The following PGAP3 variants were observed in gnomAD, a reference collection of about 807,000 sequenced individuals.
PGAP3 encodes the protein post-GPI attachment to proteins phospholipase 3.
Under a neutral mutation model 40.3 loss-of-function variants are expected in PGAP3, and 31 were observed. The observed-to-expected ratio is 0.77, with a 90% CI of 0.58 to 1.04. The LOEUF (loss-of-function observed/expected upper bound fraction) is 1.04. PGAP3 is among the 50% of genes least tolerant of loss of function. The pLI, the probability that PGAP3 is intolerant of heterozygous loss-of-function variation, is 0.00. For missense variants in PGAP3, 413 were observed against 423.0 expected (o/e 0.98, Z 0.21); for synonymous variants, 191 against 184.5 (o/e 1.04, Z -0.29).
At chr17:39,677,250 T>C (rs923303733) in intron 3 of PGAP3, among the ~76,000 whole-genome samples, 1 of 152,158 alleles carries the variant, frequency 6.6e-6, no homozygotes, top group African/African-American at 2.4e-5. Flanking sequence ...GCCTGGTCCA[T>C]AGTAGGTGCC....
intron 3 of PGAP3, among the ~76,000 whole-genome samples, chr17:39,682,261 A>AAAAAT (rs2057451583): frequency 1.4e-5 from 2 of 142,722 alleles, no homozygotes; most frequent in African/African-American, 5.0e-5. Context: ...AAAAAAAAAA[A>AAAAAT]TCTGATGTTA....
chr17:39,680,866 T>C (rs1258237274), intron 3 of PGAP3, among the ~76,000 whole-genome samples: 3 of 152,098 alleles, frequency 2.0e-5, no homozygotes, highest in African/African-American at 7.2e-5. Context: ...CTGTCTTTTT[T>C]TTTTTTAAAG....
In PGAP3 at chr17:39,684,872, C is replaced by T. The variant is rs1007629005; in HGVS notation, c.280-123G>A. ...TGAGTCCTCAGCTCTGGAGTTTGGC[C>T]AAAGCCTCAGGTTCAGTACCTCTTC... On this transcript the variant is annotated intron_variant, in intron 2 of 7. Transcript: ENST00000300658. The T allele has an allele frequency of 4.0e-6, 5 of 1,249,416 alleles. No individual in the cohort carries two copies. The African/African-American group carries it at 7.6e-5, about 19-fold the overall frequency. The allele number at this position is 1,249,416 out of a possible 1,614,324, so 77.4% of individuals were successfully genotyped here.
intron 2 of PGAP3, 37 bp downstream of exon 2, chr17:39,685,885 G>A (rs762897841): frequency 7.0e-6 from 11 of 1,571,376 alleles, no homozygotes; most frequent in East Asian, 2.3e-5. Context: ...CTCCTACCAC[G>A]CTACTACCAT....
chr17:39,684,973 C>T, intron 2 of PGAP3: 1 of 535,180 alleles, frequency 1.9e-6, no homozygotes, highest in South Asian at 2.5e-5. Context: ...GCACTGTAAG[C>T]CCTGATCTCT....
rs769356560 is a variant in PGAP3 at position 39,687,957 on chromosome 17, C to T, written c.58G>A (p.Gly20Ser). 5 of 1,470,518 alleles carry T rather than the reference C, an allele frequency of 3.4e-6. No homozygotes were observed. The highest frequency in any genetic ancestry group is 1.3e-5 in the South Asian group (1 of 77,428). 91.1% of individuals were successfully genotyped at this position (1,470,518 alleles called of 1,614,324 possible). A position where few individuals can be genotyped will look rare whatever the true frequency, so the allele number is the denominator to read the frequency against. ...LLAGAAALAS[G>S]SQGDREPVYR... ...ACCGGCTCACGGTCGCCCTGGGAGC[C>T]GCTCGCCAGCGCCGCTGCCCCAGCT... The change falls in exon 1 of 8, where the codon GGC becomes AGC. Residue 20 changes from glycine (G) to serine (S), a missense_variant. Coordinates refer to ENST00000300658, the MANE Select transcript of PGAP3 (RefSeq NM_033419.5).
In PGAP3 at chr17:39,685,946, G is replaced by C; in HGVS notation, c.255C>G (p.His85Gln). The change falls in exon 2 of 8, where the codon CAC (histidine) becomes CAG (glutamine). Residue 85 changes from histidine to glutamine, a missense_variant. His to Gln is a conservative substitution (Grantham distance 24, BLOSUM62 0). Coordinates refer to ENST00000300658, the MANE Select transcript of PGAP3 (RefSeq NM_033419.5). ...CCTTGCCATGGAACTGAGGCACTTT[G>C]TGACCTTCCTGGAGGTAGAGCCCAA... is the stretch of plus-strand genomic sequence containing the variant. ...VTVGLYLQEG[H>Q]KVPQFHGKWP... 1 of 1,613,400 alleles carries C rather than the reference G, an allele frequency of 6.2e-7. No individual in the cohort carries two copies. Among genetic ancestry groups the C allele is most frequent in the Non-Finnish European group, 8.5e-7 (1 of 1,179,514 alleles).
chr17:39,678,558 T>C (rs887927105), intron 3 of PGAP3, among the ~76,000 whole-genome samples: 2 of 152,134 alleles, frequency 1.3e-5, no homozygotes, highest in Admixed American at 1.3e-4. Flanking sequence ...GAGGGCGGGG[T>C]CTCCTCATTT....
intron 7 of PGAP3, 39 bp downstream of exon 7, chr17:39,673,012 T>C: frequency 6.3e-7 from 1 of 1,585,964 alleles, no homozygotes; most frequent in East Asian, 2.3e-5. Context: ...CAAGGAAGGG[T>C]CCAAAGAAGG....
intron 7 of PGAP3, 25 bp from the exon 8 acceptor site, chr17:39,672,891 T>C: frequency 6.2e-7 from 1 of 1,611,496 alleles, no homozygotes; most frequent in South Asian, 1.1e-5. Flanking sequence ...AGTAGCCCAT[T>C]GAGGCACACA....
chr17:39,684,672 C>G lies in PGAP3; in HGVS notation c.357G>C (p.Leu119=). 1 of 1,614,054 alleles carries G rather than the reference C, an allele frequency of 6.2e-7. No homozygotes were observed. The highest frequency in any genetic ancestry group is 8.5e-7 in the Non-Finnish European group (1 of 1,179,954). The change falls in exon 3 of 8, where the codon CTG becomes CTC. Residue 119 remains leucine (L), a synonymous_variant. Transcript: ENST00000300658. ...VASFLNGLAS[L]VMLCRYRTFV... ...AGGTGCGGTAGCGGCAGAGCATCACCAGGCTGGCCAGGCCATTGAGAAACG... is the reference window on the plus strand; with the variant it reads ...AGGTGCGGTAGCGGCAGAGCATCACGAGGCTGGCCAGGCCATTGAGAAACG...
intron 3 of PGAP3, among the ~76,000 whole-genome samples, chr17:39,678,993 C>T (rs554788949): frequency 1.4e-3 from 220 of 152,240 alleles, no homozygotes; most frequent in Non-Finnish European, 2.4e-3. Context: ...CTCGCCCAGT[C>T]ACCCAGGCTG....
chr17:39,673,932 G>C (rs2057342962), intron 5 of PGAP3, 61 bp downstream of exon 5: 3 of 1,558,764 alleles, frequency 1.9e-6, no homozygotes, highest in South Asian at 1.1e-5. Context: ...GGGAAGGCTG[G>C]GTGACCCCTT....
At chr17:39,684,925 A>C in intron 2 of PGAP3, 176 bp from the exon 3 acceptor site, 1 of 716,492 alleles carries the variant, frequency 1.4e-6, no homozygotes, top group Non-Finnish European at 2.2e-6. Context: ...TCCAGTGCCT[A>C]GTTAAGAGTT....
At position 39,672,629 on chromosome 17, in the gene PGAP3, C is replaced by T. The variant is rs1394004805; in HGVS notation, c.*174G>A. On this transcript the variant is annotated 3_prime_UTR_variant, in exon 8 of 8. Transcript: ENST00000300658. ...GGGAGGCCTTCCCTAGAACAGACTC[C>T]AAGGCTGGTGAGGGCCAACAGGGGG... 1.4e-6 allele frequency: 1 copy of T among 696,328 alleles called. No homozygotes were observed. The highest frequency in any genetic ancestry group is 1.8e-5 in the South Asian group (1 of 56,748). 43.1% of individuals were successfully genotyped at this position (696,328 alleles called of 1,614,324 possible).
At chr17:39,675,553 GAGGGATGCGCT>G (rs2145107743) in intron 3 of PGAP3, among the ~76,000 whole-genome samples, 1 of 152,282 alleles carries the variant, frequency 6.6e-6, no homozygotes, top group Admixed American at 6.5e-5. Flanking sequence ...TGGAGGTGGG[GAGGGATGCGCT>G]AGGGTGGGAC....
chr17:39,672,620 AAC>A lies in PGAP3; in HGVS notation c.*181_*182del. 1.5e-6 allele frequency: 1 copy of A among 661,386 alleles called. No homozygotes were observed. Among genetic ancestry groups the A allele is most frequent in the South Asian group, 1.8e-5 (1 of 54,814 alleles). 41.0% of individuals were successfully genotyped at this position (661,386 alleles called of 1,614,324 possible). ...CCAGATGCTGGGAGGCCTTCCCTAG[AAC>A]AGACTCCAAGGCTGGTGAGGGCCAA... On this transcript the variant is annotated 3_prime_UTR_variant, in exon 8 of 8. Transcript: ENST00000300658.
At chr17:39,685,550 C>T (rs932099369) in intron 2 of PGAP3, among the ~76,000 whole-genome samples, 8 of 151,864 alleles carry the variant, frequency 5.3e-5, no homozygotes, top group African/African-American at 1.5e-4. Flanking sequence ...AACTGTGCCT[C>T]GCTAGACAAG....
At position 39,672,531 on chromosome 17, in the gene PGAP3, AGAG is replaced by A; in HGVS notation, c.*269_*271del. ...GGCAGCTGTCCTCCCGGTAGAGCTA[AGAG>A]CACACTCAGTTCCACCCCAGTTCAG... On this transcript the variant is annotated 3_prime_UTR_variant, in exon 8 of 8. Coordinates refer to ENST00000300658, the MANE Select transcript of PGAP3 (RefSeq NM_033419.5). 1.9e-6 allele frequency: 1 copy of A among 537,428 alleles called. No homozygotes were observed. The highest frequency in any genetic ancestry group is 3.4e-6 in the Non-Finnish European group (1 of 298,480). 33.3% of individuals were successfully genotyped at this position (537,428 alleles called of 1,614,324 possible).
Sources: gnomAD v4.1 joint callset for allele counts (sites outside exome capture counted in the v4.1 genomes callset) on GRCh38, gnomAD v4.1.1 for gene constraint, MANE v1.5 for transcripts, NCBI Gene and HGNC (gene_info 2026-07-23, HGNC 2026-07-21) for gene names.